The following CSMD1 variants were observed in gnomAD, a reference collection of about 807,000 sequenced individuals.
The protein encoded by CSMD1 is CUB and sushi domain-containing protein 1.
A neutral mutation model predicts 417.5 loss-of-function variants in CSMD1; 213 were observed. That is an observed-to-expected ratio of 0.51 (90% confidence interval 0.46 to 0.57). The LOEUF is 0.57. Ranked by LOEUF, CSMD1 falls within the 20% of genes least tolerant of loss-of-function variation. CSMD1 has a pLI of 0.00. For missense variants in CSMD1, 6,923 were observed against 4,529.7 expected (o/e 1.53, Z -15.17); for synonymous variants, 2,862 against 1,736.8 (o/e 1.65, Z -16.11).
intron 18 of CSMD1, among the ~76,000 whole-genome samples, chr8:3,385,833 T>G (rs996193764): frequency 2.0e-5 from 3 of 151,982 alleles, no homozygotes; most frequent in Admixed American, 6.6e-5. Flanking sequence ...TAAGAAGAAG[T>G]TGGCCAGAGA....
At chr8:3,592,678 G>C (rs1800903950) in intron 8 of CSMD1, among the ~76,000 whole-genome samples, 1 of 127,504 alleles carries the variant, frequency 7.8e-6, no homozygotes, top group South Asian at 2.3e-4. Flanking sequence ...GCACATCCGT[G>C]TGTGTGTGCA....
At chr8:3,808,968 G>A (rs564236448) in intron 5 of CSMD1, among the ~76,000 whole-genome samples, 1 of 152,248 alleles carries the variant, frequency 6.6e-6, no homozygotes, top group African/African-American at 2.4e-5. Context: ...GAAGAGCCAA[G>A]GCACTGGTTA....
At chr8:3,025,546 C>T (rs2128974272) in intron 51 of CSMD1, among the ~76,000 whole-genome samples, 1 of 152,352 alleles carries the variant, frequency 6.6e-6, no homozygotes, top group Admixed American at 6.5e-5. Flanking sequence ...GATCCAAGAA[C>T]TCCTGGACTT....
At chr8:3,585,004 G>C (rs893761955) in intron 9 of CSMD1, among the ~76,000 whole-genome samples, 2 of 152,146 alleles carry the variant, frequency 1.3e-5, no homozygotes, top group African/African-American at 4.8e-5. Flanking sequence ...ACCAGAGATT[G>C]CTGACTCTCC....
At chr8:3,293,803 C>A (rs1313625301) in intron 25 of CSMD1, among the ~76,000 whole-genome samples, 1 of 152,134 alleles carries the variant, frequency 6.6e-6, no homozygotes, top group Non-Finnish European at 1.5e-5. Flanking sequence ...GTAGTTTGAT[C>A]ATCTGAAGCC....
At chr8:4,991,653 G>A (rs900790509) in intron 1 of CSMD1, among the ~76,000 whole-genome samples, 2 of 152,124 alleles carry the variant, frequency 1.3e-5, no homozygotes, top group Non-Finnish European at 2.9e-5. Flanking sequence ...GTGGGCCCTG[G>A]AGCGCGCTGC....
intron 37 of CSMD1, among the ~76,000 whole-genome samples, chr8:3,178,596 G>C (rs924480993): frequency 6.6e-6 from 1 of 152,148 alleles, no homozygotes; most frequent in South Asian, 2.1e-4. Context: ...ACCCAGGAAG[G>C]CTAAAAATGC....
intron 5 of CSMD1, among the ~76,000 whole-genome samples, chr8:3,790,775 G>T (rs1022700777): frequency 6.6e-6 from 1 of 152,144 alleles, no homozygotes; most frequent in African/African-American, 2.4e-5. Flanking sequence ...GCTGAGTATA[G>T]TGAGTTTGGG....
intron 3 of CSMD1, among the ~76,000 whole-genome samples, chr8:4,149,787 G>A (rs955624266): frequency 6.6e-6 from 1 of 152,084 alleles, no homozygotes; most frequent in Admixed American, 6.5e-5. Context: ...GTTGCTTCAG[G>A]GAAGGTCACT....
chr8:4,226,635 A>G (rs1027528695), intron 3 of CSMD1, among the ~76,000 whole-genome samples: 7 of 152,224 alleles, frequency 4.6e-5, no homozygotes, highest in African/African-American at 1.7e-4. Context: ...TTACTTCATT[A>G]AACAAAATAA....
intron 2 of CSMD1, among the ~76,000 whole-genome samples, chr8:4,575,650 T>C (rs769043): frequency 0.42 from 64,294 of 152,004 alleles, 14,848 homozygotes; most frequent in African/African-American, 0.62. Context: ...CCCTTGCCTA[T>C]ACAAAGGAAT....
intron 5 of CSMD1, among the ~76,000 whole-genome samples, chr8:3,986,001 C>T (rs1462942536): frequency 2.6e-5 from 4 of 151,980 alleles, no homozygotes; most frequent in Admixed American, 6.6e-5. Context: ...AGCCAGGCCC[C>T]ACCCACTCCC....
chr8:4,028,207 G>T (rs1011396834), intron 4 of CSMD1, among the ~76,000 whole-genome samples: 1 of 152,124 alleles, frequency 6.6e-6, no homozygotes, highest in Non-Finnish European at 1.5e-5. Flanking sequence ...AATTTCTCTA[G>T]GACAGAGGAA....
At chr8:4,689,608 C>G (rs1018680479) in intron 1 of CSMD1, among the ~76,000 whole-genome samples, 2 of 152,142 alleles carry the variant, frequency 1.3e-5, no homozygotes, top group African/African-American at 4.8e-5. Flanking sequence ...AAGATCTTTT[C>G]TAGTTCAGAG....
chr8:3,506,039 G>A (rs767279038), intron 10 of CSMD1, among the ~76,000 whole-genome samples: 1 of 152,198 alleles, frequency 6.6e-6, no homozygotes, highest in Non-Finnish European at 1.5e-5. Context: ...TTTAACAAAT[G>A]TAGAAAGGGC....
At chr8:3,895,144 C>T (rs1214263187) in intron 5 of CSMD1, among the ~76,000 whole-genome samples, 1 of 152,136 alleles carries the variant, frequency 6.6e-6, no homozygotes. Context: ...TAGACATTGG[C>T]TTTATCTCCA....
chr8:3,925,436 C>T (rs527360370), intron 5 of CSMD1, among the ~76,000 whole-genome samples: 1 of 152,074 alleles, frequency 6.6e-6, no homozygotes, highest in African/African-American at 2.4e-5. Flanking sequence ...TTAAATTATA[C>T]AGTTAAACCT....
chr8:3,666,736 CTCAT>C (rs1257524034), intron 7 of CSMD1, among the ~76,000 whole-genome samples: 1 of 152,200 alleles, frequency 6.6e-6, no homozygotes, highest in Non-Finnish European at 1.5e-5. Context: ...TGGCTTGGCT[CTCAT>C]TCTGTCTTCT....
chr8:4,388,996 A>G (rs1377703345), intron 3 of CSMD1, among the ~76,000 whole-genome samples: 1 of 152,166 alleles, frequency 6.6e-6, no homozygotes, highest in African/African-American at 2.4e-5. Context: ...GTTCTTTGTA[A>G]TTGTTCAGGT....
Sources: allele counts gnomAD v4.1 joint callset (sites outside exome capture counted in the v4.1 genomes callset), GRCh38; gene constraint gnomAD v4.1.1; transcripts MANE v1.5; gene names NCBI Gene and HGNC (gene_info 2026-07-23, HGNC 2026-07-21).